The following NKAIN2 variants were observed in gnomAD, a reference collection of about 807,000 sequenced individuals.
NKAIN2 encodes the protein sodium/potassium transporting ATPase interacting 2.
Under a neutral mutation model 32.6 loss-of-function variants are expected in NKAIN2, and 14 were observed. The observed-to-expected ratio is 0.43, with a 90% CI of 0.28 to 0.67. The LOEUF is 0.67. NKAIN2 is among the 30% of genes least tolerant of loss of function. The pLI is 0.17. For synonymous variants in NKAIN2, 80 were observed against 87.2 expected (o/e 0.92, Z 0.46); for missense variants, 198 against 258.3 (o/e 0.77, Z 1.60).
intron 1 of NKAIN2, among the ~76,000 whole-genome samples, chr6:124,236,510 G>T (rs1332928936): frequency 6.6e-6 from 1 of 152,136 alleles, no homozygotes; most frequent in Non-Finnish European, 1.5e-5. Flanking sequence ...TCAATGATCT[G>T]TAGGTCTAAA....
intron 1 of NKAIN2, among the ~76,000 whole-genome samples, chr6:124,006,641 C>T (rs916236445): frequency 7.9e-5 from 12 of 152,170 alleles, no homozygotes; most frequent in Admixed American, 7.9e-4. Context: ...TTAGTGCCTG[C>T]ACTTCTAGTG....
intron 3 of NKAIN2, among the ~76,000 whole-genome samples, chr6:124,484,680 C>A (rs867904717): frequency 6.6e-6 from 1 of 152,134 alleles, no homozygotes; most frequent in African/African-American, 2.4e-5. Context: ...TGCATGCCCA[C>A]ATTCATATAT....
rs1294244275 is a variant in NKAIN2 at position 124,824,938 on chromosome 6, T to C, written c.*1709T>C. The C allele has an allele frequency of 6.6e-6, 1 of 152,518 alleles. No homozygotes were observed. The highest frequency in any genetic ancestry group is 1.5e-5 in the Non-Finnish European group (1 of 67,990). 9.4% of individuals were successfully genotyped at this position (152,518 alleles called of 1,614,324 possible). ...AGAGTTATCATTGGAACATAAACTA[T>C]AAAAAAAGATTCCAGCACTCATGCT... On this transcript the variant is annotated 3_prime_UTR_variant, in exon 7 of 7. Transcript: ENST00000368417.
At chr6:124,293,814 G>A (rs977303592) in intron 2 of NKAIN2, among the ~76,000 whole-genome samples, 11 of 151,836 alleles carry the variant, frequency 7.2e-5, no homozygotes, top group African/African-American at 1.2e-4. Flanking sequence ...GAAAAGTGAC[G>A]ACAGATAATA....
intron 3 of NKAIN2, among the ~76,000 whole-genome samples, chr6:124,608,778 G>T (rs918907774): frequency 6.6e-6 from 1 of 152,158 alleles, no homozygotes; most frequent in Non-Finnish European, 1.5e-5. Flanking sequence ...GACCTCACTC[G>T]GGGCAACAGA....
chr6:124,454,106 TGG>T (rs35989042), intron 3 of NKAIN2, among the ~76,000 whole-genome samples: 1,219 of 60,750 alleles, frequency 0.02, 17 homozygotes, highest in African/African-American at 0.05. Flanking sequence ...GTTTTTTTTT[TGG>T]GGGGGGGGGT....
At chr6:124,342,129 C>T (rs1583078471) in intron 2 of NKAIN2, among the ~76,000 whole-genome samples, 1 of 151,988 alleles carries the variant, frequency 6.6e-6, no homozygotes, top group Admixed American at 6.6e-5. Flanking sequence ...TGGCCAGGCA[C>T]GGTGGCTCAC....
chr6:124,389,744 T>G (rs796172774), intron 3 of NKAIN2, among the ~76,000 whole-genome samples: 2 of 133,952 alleles, frequency 1.5e-5, no homozygotes, highest in African/African-American at 7.6e-5. Flanking sequence ...TGTGTGTGTG[T>G]GTGTGTGGGT....
chr6:124,750,495 AGATGGATGGATGGATGGATGGATGGATG>A (rs56937918), intron 4 of NKAIN2, among the ~76,000 whole-genome samples: 1 of 149,544 alleles, frequency 6.7e-6, no homozygotes, highest in African/African-American at 2.5e-5. Context: ...CTGGAGGAAG[AGATGGATGGATGGATGGATGGATGGATG>A]GATGGATGGA....
chr6:124,567,544 T>C (rs1780965314), intron 3 of NKAIN2, among the ~76,000 whole-genome samples: 1 of 152,198 alleles, frequency 6.6e-6, no homozygotes, highest in Non-Finnish European at 1.5e-5. Context: ...TTTCTAACAC[T>C]CAGCTTTTGC....
intron 3 of NKAIN2, among the ~76,000 whole-genome samples, chr6:124,425,744 G>A (rs553944529): frequency 2.0e-5 from 3 of 152,068 alleles, no homozygotes; most frequent in African/African-American, 7.2e-5. Context: ...CAAATTAAAA[G>A]CACAATGAGT....
chr6:123,812,086 A>G (rs1773501103), intron 1 of NKAIN2, among the ~76,000 whole-genome samples: 1 of 152,068 alleles, frequency 6.6e-6, no homozygotes, highest in Non-Finnish European at 1.5e-5. Context: ...ATATTAGCAT[A>G]TTAGCAGCTA....
intron 3 of NKAIN2, among the ~76,000 whole-genome samples, chr6:124,359,738 T>C: frequency 6.6e-6 from 1 of 152,200 alleles, no homozygotes; most frequent in Non-Finnish European, 1.5e-5. Context: ...TTTGACTTCC[T>C]CTTTTCCTAA....
intron 3 of NKAIN2, among the ~76,000 whole-genome samples, chr6:124,445,837 A>G: frequency 6.6e-6 from 1 of 152,090 alleles, no homozygotes; most frequent in Non-Finnish European, 1.5e-5. Flanking sequence ...TAAGGATGCT[A>G]TGTGACCTCT....
intron 2 of NKAIN2, among the ~76,000 whole-genome samples, chr6:124,329,006 T>G (rs1797541256): frequency 6.6e-6 from 1 of 152,162 alleles, no homozygotes; most frequent in Admixed American, 6.5e-5. Context: ...CCAAGGTGAA[T>G]ATACAAGATT....
intron 3 of NKAIN2, among the ~76,000 whole-genome samples, chr6:124,635,355 T>A (rs1783736212): frequency 6.6e-6 from 1 of 151,696 alleles, no homozygotes; most frequent in African/African-American, 2.4e-5. Flanking sequence ...TCAAATGATA[T>A]CACTACAGAA....
intron 1 of NKAIN2, among the ~76,000 whole-genome samples, chr6:124,115,627 G>C (rs1299820849): frequency 6.6e-6 from 1 of 152,040 alleles, no homozygotes; most frequent in Non-Finnish European, 1.5e-5. Context: ...TGATAGCACT[G>C]CTTAATCAGC....
intron 1 of NKAIN2, among the ~76,000 whole-genome samples, chr6:123,917,423 G>A (rs1775551765): frequency 6.6e-6 from 1 of 152,104 alleles, no homozygotes; most frequent in Non-Finnish European, 1.5e-5. Context: ...GCCATCCACA[G>A]AATGTGTACG....
chr6:124,320,373 T>C lies in NKAIN2; in HGVS notation c.193-34894T>C, dbSNP rs78908310. On this transcript the variant is annotated intron_variant, in intron 2 of 6. Coordinates refer to ENST00000368417, the MANE Select transcript of NKAIN2 (RefSeq NM_001040214.3). ...AGAAATTTTAAAGATATGTTTCTTC[T>C]TTGAAATATCTTTAAAATAAGAGAT... Among the ~76,000 whole-genome samples, 19 of 152,298 alleles carry C rather than the reference T, an allele frequency of 1.2e-4. No homozygotes were observed. The East Asian group carries it at 3.5e-3, about 28-fold the overall frequency.
Sources: allele counts gnomAD v4.1 joint callset (sites outside exome capture counted in the v4.1 genomes callset), GRCh38; gene constraint gnomAD v4.1.1; transcripts MANE v1.5; gene names NCBI Gene and HGNC (gene_info 2026-07-23, HGNC 2026-07-21).